SPG7: variants seen among roughly 807,000 people sequenced by gnomAD.
The protein encoded by SPG7 is mitochondrial inner membrane m-AAA protease component paraplegin.
In SPG7, 103 loss-of-function variants were observed where a neutral mutation model predicts 81.9. The observed-to-expected ratio is 1.26, with a 90% confidence interval of 1.07 to 1.48. SPG7 has a LOEUF of 1.48. Among genes scored for constraint, SPG7 ranks in the 40% most tolerant of loss-of-function variants. SPG7 has a pLI of 0.00. For missense variants in SPG7, 1,241 were observed against 1,087.3 expected (o/e 1.14, Z -1.99); for synonymous variants, 534 against 444.2 (o/e 1.20, Z -2.54).
At chr16:89,529,448 C>T in intron 5 of SPG7, 29 bp from the exon 6 acceptor site, 1 of 1,481,528 alleles carries the variant, frequency 6.7e-7, no homozygotes, top group South Asian at 1.2e-5. Context: ...ACCGTCTGAG[C>T]CTGTGCCTGC....
chr16:89,528,285 G>A (rs1200312177), intron 5 of SPG7, among the ~76,000 whole-genome samples: 1 of 151,948 alleles, frequency 6.6e-6, no homozygotes, highest in Non-Finnish European at 1.5e-5. Context: ...CCAGCTACTC[G>A]GGAGGCTGAG....
chr16:89,514,368 T>G (rs1286079649), intron 3 of SPG7: 1 of 126,648 alleles, frequency 7.9e-6, no homozygotes, highest in Non-Finnish European at 1.6e-5. Context: ...TTGCCCCGGC[T>G]GGAGTGCAGT....
intron 9 of SPG7, chr16:89,540,189 TC>T (rs1330148043): frequency 3.3e-5 from 5 of 152,202 alleles, no homozygotes; most frequent in Admixed American, 2.0e-4. Flanking sequence ...TTTCAGCTAT[TC>T]CTTTGCCTTT....
In SPG7 at chr16:89,553,130, C is replaced by A. The variant is rs758702550; in HGVS notation, c.1931C>A (p.Thr644Asn). 4 of 1,607,382 alleles carry A rather than the reference C, an allele frequency of 2.5e-6. No individual in the cohort carries two copies. The Admixed American group carries it at 6.8e-5, about 27-fold the overall frequency. The change falls in exon 14 of 17, where the codon ACT becomes AAT. Residue 644 changes from threonine (T) to asparagine (N), a missense_variant. By Grantham distance (65) the Thr-to-Asn change is moderately conservative. Transcript: ENST00000645818. ...ASEALSFNEV[T>N]SGAQDDLRKV... ...GAAGCACTGTCCTTCAACGAGGTCA[C>A]TTCTGGTGAGGAGCAGCGGCGCGGG...
In SPG7 at chr16:89,554,524, C is replaced by T. The variant is rs201878285; in HGVS notation, c.2142C>T (p.Thr714=). Residue 714 remains threonine, a synonymous_variant, in exon 16 of 17, where the codon ACC becomes ACT. Transcript: ENST00000645818. ...TGGTGGCCAAGGCCTACAGACACAC[C>T]GAGAAGGTGCTGCAGGACAACCTGG... ...RLLVAKAYRH[T]EKVLQDNLDK... 54 of 1,609,628 alleles carry T rather than the reference C, an allele frequency of 3.4e-5. No homozygotes were observed. In the East Asian group the frequency reaches 5.1e-4, roughly 15 times the overall value.
chr16:89,532,616 A>T lies in SPG7; in HGVS notation c.1304A>T (p.Gln435Leu). 6.2e-7 allele frequency: 1 copy of T among 1,613,684 alleles called. No individual in the cohort carries two copies. The highest frequency in any genetic ancestry group is 8.5e-7 in the Non-Finnish European group (1 of 1,180,038). ...SNTEEEQTLN[Q>L]LLVEMDGMGT... ...ACGGAGGAGGAGCAGACGCTCAACC[A>T]GCTTCTGGTAGAAATGGATGGTCAG... Residue 435 changes from glutamine to leucine, a missense_variant, in exon 9 of 17, where the codon CAG becomes CTG. Coordinates refer to ENST00000645818, the MANE Select transcript of SPG7 (RefSeq NM_003119.4).
chr16:89,513,004 A>T lies in SPG7; in HGVS notation c.343A>T (p.Lys115Ter). 6.2e-7 allele frequency: 1 copy of T among 1,613,044 alleles called. No homozygotes were observed. The highest frequency in any genetic ancestry group is 8.5e-7 in the Non-Finnish European group (1 of 1,179,128). ...GAAGCAGAAGAATAAGGAGAAGGATAAGTCGAAGGGGAAGGCGCCTGAAGA... is the reference window on the plus strand; with the variant it reads ...GAAGCAGAAGAATAAGGAGAAGGATTAGTCGAAGGGGAAGGCGCCTGAAGA... ...RLKQKNKEKD[K>*]SKGKAPEEDE... Residue 115 changes from lysine to a stop codon, truncating the protein, a stop_gained, in exon 3 of 17, where the codon AAG becomes TAG. Transcript: ENST00000645818. LOFTEE classifies it high-confidence loss of function.
chr16:89,555,895 G>A (rs553412137), intron 16 of SPG7: 12 of 398,786 alleles, frequency 3.0e-5, no homozygotes, highest in East Asian at 1.1e-4. Flanking sequence ...TGTGTGTCAC[G>A]TGGGGATCGT....
chr16:89,526,986 C>T (rs186157212), intron 5 of SPG7: 8 of 229,882 alleles, frequency 3.5e-5, no homozygotes, highest in Non-Finnish European at 5.3e-5. Context: ...CGTAGGATGG[C>T]GAAGTCTCAG....
At chr16:89,534,636 C>A (rs998975102) in intron 9 of SPG7, among the ~76,000 whole-genome samples, 1 of 152,350 alleles carries the variant, frequency 6.6e-6, no homozygotes, top group Non-Finnish European at 1.5e-5. Flanking sequence ...ACATGCACAG[C>A]CCAGTTTTGA....
At position 89,536,489 on chromosome 16, in the gene SPG7, GGTGAGGCAGGTGA is replaced by G. The variant is rs1261356487; in HGVS notation, c.1324+3855_1324+3867del. ...GAGGCGGGTGAGGCGGGTGAGGTCA[GGTGAGGCAGGTGA>G]GGTGAGGCGGGTGAGGTCAGGTGAG... On this transcript the variant is annotated intron_variant, in intron 9 of 16. Coordinates refer to ENST00000645818, the MANE Select transcript of SPG7 (RefSeq NM_003119.4). Among the ~76,000 whole-genome samples the G allele has an allele frequency of 3.3e-4, 48 of 147,116 alleles. 1 individual carries two copies. Among genetic ancestry groups the G allele is most frequent in the Non-Finnish European group, 4.2e-4 (28 of 66,752 alleles).
chr16:89,552,756 G>C, intron 13 of SPG7: 1 of 580,684 alleles, frequency 1.7e-6, no homozygotes, highest in Non-Finnish European at 3.1e-6. Flanking sequence ...TGTATGAGAA[G>C]ACACTTCCCG....
At chr16:89,546,478 G>C in intron 10 of SPG7, 180 bp from the exon 11 acceptor site, 1 of 620,786 alleles carries the variant, frequency 1.6e-6, no homozygotes, top group Non-Finnish European at 3.0e-6. Context: ...AGGAGTTCGA[G>C]ACCAGCCTAG....
intron 16 of SPG7, 72 bp from the exon 17 acceptor site, chr16:89,556,815 C>T (rs554823618): frequency 2.4e-6 from 3 of 1,256,692 alleles, no homozygotes; most frequent in Middle Eastern, 2.1e-4. Flanking sequence ...ACGCCTCTTG[C>T]CACCTCCCCA....
intron 3 of SPG7, among the ~76,000 whole-genome samples, chr16:89,515,771 G>A (rs1432874956): frequency 1.3e-5 from 2 of 149,644 alleles, no homozygotes; most frequent in Admixed American, 6.7e-5. Context: ...GCAATGGCAC[G>A]ATCTCGGCTC....
At chr16:89,523,546 G>A (rs1040238171) in intron 3 of SPG7, 4 of 366,792 alleles carry the variant, frequency 1.1e-5, no homozygotes, top group Middle Eastern at 1.0e-3. Context: ...TGCAGCAGGA[G>A]AGCTGACTGC....
chr16:89,544,133 A>G, intron 9 of SPG7: 1 of 207,536 alleles, frequency 4.8e-6, no homozygotes, highest in Non-Finnish European at 9.9e-6. Context: ...GGGCCAGTCA[A>G]GGTTCACATA....
chr16:89,537,792 G>T, intron 9 of SPG7: 1 of 985,338 alleles, frequency 1.0e-6, no homozygotes, highest in Non-Finnish European at 1.2e-6. Context: ...TGAGGTCCTG[G>T]GAAGCTGGGG....
chr16:89,508,986 G>T lies in SPG7; in HGVS notation c.183+386G>T, dbSNP rs370899401. ...TCACCAGGAATTCCAGCGCCTTCCA[G>T]TTAGGGTGGTTATTGCCGAGTAGGG... is the stretch of plus-strand genomic sequence containing the variant. On this transcript the variant is annotated intron_variant, in intron 1 of 16. Coordinates refer to ENST00000645818, the MANE Select transcript of SPG7 (RefSeq NM_003119.4). 516 of 479,928 alleles carry T rather than the reference G, an allele frequency of 1.1e-3. 4 individuals are homozygous for T. Among genetic ancestry groups the T allele is most frequent in the Non-Finnish European group, 4.5e-4 (109 of 242,876 alleles). The allele number at this position is 479,928 out of a possible 1,614,324, so 29.7% of individuals were successfully genotyped here.
Sources: gnomAD v4.1 joint callset for allele counts (sites outside exome capture counted in the v4.1 genomes callset) on GRCh38, gnomAD v4.1.1 for gene constraint, MANE v1.5 for transcripts, NCBI Gene and HGNC (gene_info 2026-07-23, HGNC 2026-07-21) for gene names.